The following SCYL3 variants were observed in gnomAD, a reference collection of about 807,000 sequenced individuals.
SCYL3 encodes the protein protein-associating with the carboxyl-terminal domain of ezrin.
In SCYL3, 35 loss-of-function variants were observed where a neutral mutation model predicts 73.8. That is an observed-to-expected ratio of 0.47 (90% CI 0.36 to 0.63). The LOEUF is 0.63. SCYL3 is among the 20% of genes least tolerant of loss of function. The pLI, the probability that SCYL3 is intolerant of heterozygous loss-of-function variation, is 0.00. For missense variants in SCYL3, 712 were observed against 798.9 expected (o/e 0.89, Z 1.31); for synonymous variants, 277 against 295.2 (o/e 0.94, Z 0.63).
At chr1:169,868,028 A>T (rs1300091708) in intron 7 of SCYL3, among the ~76,000 whole-genome samples, 1 of 152,236 alleles carries the variant, frequency 6.6e-6, no homozygotes, top group East Asian at 1.9e-4. Context: ...TGTATTTGTC[A>T]ATTAAAAATA....
intron 2 of SCYL3, among the ~76,000 whole-genome samples, chr1:169,880,807 G>A (rs1661187304): frequency 6.7e-6 from 1 of 150,090 alleles, no homozygotes; most frequent in Non-Finnish European, 1.5e-5. Context: ...TATCTCCTAG[G>A]TTGGAGTGCA....
chr1:169,854,077 C>A (rs938704751), intron 12 of SCYL3, 193 bp downstream of exon 12: 9 of 582,838 alleles, frequency 1.5e-5, no homozygotes, highest in African/African-American at 1.3e-4. Flanking sequence ...GCTCATTAAA[C>A]AAACTAAGCA....
At chr1:169,877,419 A>G (rs1429264390) in intron 3 of SCYL3, among the ~76,000 whole-genome samples, 3 of 152,210 alleles carry the variant, frequency 2.0e-5, no homozygotes, top group Non-Finnish European at 4.4e-5. Context: ...TGGCCTCCCA[A>G]AGTGCTGGGA....
chr1:169,851,077 A>G lies in SCYL3; in HGVS notation c.*2636T>C, dbSNP rs1483231931. ...TTTTTTTTTTTTTTTTTTTTTTGGC[A>G]TGGCTTTTTTATTCTCTTTGCAGCC... On this transcript the variant is annotated 3_prime_UTR_variant, in exon 13 of 13. Transcript: ENST00000367771. 15 of 36,500 alleles carry G rather than the reference A, an allele frequency of 4.1e-4. 1 individual carries two copies. Among genetic ancestry groups the G allele is most frequent in the African/African-American group, 2.1e-3 (14 of 6,794 alleles). 2.3% of individuals were successfully genotyped at this position (36,500 alleles called of 1,614,324 possible). A position where few individuals can be genotyped will look rare whatever the true frequency, so the allele number is the denominator to read the frequency against.
Position 169,875,989 on chromosome 1 carries a change from C to G in SCYL3, c.454G>C (p.Ala152Pro), listed in dbSNP as rs1660772466. Reference sequence around the variant, plus strand: ...GTCCCCTGGCTTACCTCTGGTGTGGCCTGAGAAACTTTACAAACAGTTTCC... The same window carrying G: ...GTCCCCTGGCTTACCTCTGGTGTGGGCTGAGAAACTTTACAAACAGTTTCC... ...GMETVCKVSQ[A>P]TPEFLRSIQS... Residue 152 changes from alanine (A) to proline (P), a missense_variant, in exon 4 of 13, where the codon GCC (alanine) becomes CCC (proline). By Grantham distance (27) the Ala-to-Pro change is conservative. Around this residue, in one of 2 missense-constraint regions of SCYL3, gnomAD observed 342 missense variants for 448.1 expected, o/e 0.76. Coordinates refer to ENST00000367771, the MANE Select transcript of SCYL3 (RefSeq NM_020423.7). 6.2e-7 allele frequency: 1 copy of G among 1,608,370 alleles called. No individual in the cohort carries two copies. The highest frequency in any genetic ancestry group is 8.5e-7 in the Non-Finnish European group (1 of 1,177,296).
chr1:169,856,512 A>C (rs1032042999), intron 11 of SCYL3, among the ~76,000 whole-genome samples: 3 of 152,184 alleles, frequency 2.0e-5, no homozygotes, highest in African/African-American at 4.8e-5. Context: ...TTTGGCCAAA[A>C]AGTGAGGATG....
In SCYL3 at chr1:169,854,939, T is replaced by TTTAA. The variant is rs1294064643; in HGVS notation, c.1334_1337dup (p.Lys446AsnfsTer2). The TTTAA allele has an allele frequency of 3.1e-6, 5 of 1,608,436 alleles. No homozygotes were observed. Among genetic ancestry groups the TTTAA allele is most frequent in the Admixed American group, 3.4e-5 (2 of 58,870 alleles). On this transcript the variant is annotated stop_gained and frameshift_variant, in exon 12 of 13. Coordinates refer to ENST00000367771, the MANE Select transcript of SCYL3 (RefSeq NM_020423.7). LOFTEE classifies it high-confidence loss of function. ...CATCTGAGAGTCCATTTATGGGAAA[T>TTTAA]TTAATAGGCTGAGAAAATGGATCGC...
Position 169,873,842 on chromosome 1 carries a change from G to A in SCYL3, c.466-90C>T. 3.6e-6 allele frequency: 3 copies of A among 842,400 alleles called. No homozygotes were observed. The East Asian group carries it at 7.5e-5, about 21-fold the overall frequency. The allele number at this position is 842,400 out of a possible 1,614,324, so 52.2% of individuals were successfully genotyped here. On this transcript the variant is annotated intron_variant, in intron 4 of 12. Coordinates refer to ENST00000367771, the MANE Select transcript of SCYL3 (RefSeq NM_020423.7). ...TCAGGTTACATAAGCAATGAGCAATGCAAACAGCACCAATTAAACCTTCAA... is the reference window on the plus strand; with the variant it reads ...TCAGGTTACATAAGCAATGAGCAATACAAACAGCACCAATTAAACCTTCAA...
chr1:169,850,344 A>C lies in SCYL3; in HGVS notation c.*3369T>G. On this transcript the variant is annotated 3_prime_UTR_variant, in exon 13 of 13. Coordinates refer to ENST00000367771, the MANE Select transcript of SCYL3 (RefSeq NM_020423.7). ...AACAAAGTTGTATCCTTTCTGGAGA[A>C]GGTACTTTCTTTACATGGCTCATGT... is the stretch of plus-strand genomic sequence containing the variant. 6.3e-7 allele frequency: 1 copy of C among 1,599,244 alleles called. No homozygotes were observed. Among genetic ancestry groups the C allele is most frequent in the Non-Finnish European group, 8.6e-7 (1 of 1,167,498 alleles).
At chr1:169,867,624 A>G (rs12134837) in intron 7 of SCYL3, among the ~76,000 whole-genome samples, 9,930 of 152,312 alleles carry the variant, frequency 0.065, 430 homozygotes, top group Non-Finnish European at 0.099. Flanking sequence ...GGATCTTCAC[A>G]TCTTATGTTT....
rs140761005 is a variant in SCYL3 at position 169,885,016 on chromosome 1, A to G, written c.165+3660T>C. ...CTAAGGGTAACTAGGATATTTTTCA[A>G]TGAACATCAGTTGAGCAAATAAATG... On this transcript the variant is annotated intron_variant, in intron 2 of 12. Coordinates refer to ENST00000367771, the MANE Select transcript of SCYL3 (RefSeq NM_020423.7). 5.7e-3 allele frequency among the ~76,000 whole-genome samples: 875 copies of G among 152,352 alleles called. 24 individuals are homozygous for G. Among genetic ancestry groups the G allele is most frequent in the Admixed American group, 0.014 (218 of 15,308 alleles).
rs567909589 is a variant in SCYL3 at position 169,855,734 on chromosome 1, A to C, written c.1313-770T>G. On this transcript the variant is annotated intron_variant, in intron 11 of 12. Transcript: ENST00000367771. ...AAACTCCCAAAACACCCATAAGCTTATTAGTCTCAGGAAAACATTCATCCA... is the reference window on the plus strand; with the variant it reads ...AAACTCCCAAAACACCCATAAGCTTCTTAGTCTCAGGAAAACATTCATCCA... The C allele has an allele frequency of 1.3e-5, 20 of 1,490,032 alleles. No homozygotes were observed. In the African/African-American group the frequency reaches 2.8e-4, roughly 21 times the overall value. 92.3% of individuals were successfully genotyped at this position (1,490,032 alleles called of 1,614,324 possible).
chr1:169,854,473 C>T lies in SCYL3; in HGVS notation c.1804G>A (p.Gly602Arg). 1 of 1,614,044 alleles carries T rather than the reference C, an allele frequency of 6.2e-7. No individual in the cohort carries two copies. The highest frequency in any genetic ancestry group is 8.5e-7 in the Non-Finnish European group (1 of 1,179,968). The change falls in exon 12 of 13, where the codon GGA becomes AGA. Residue 602 changes from glycine to arginine, a missense_variant. Transcript: ENST00000367771. ...TTTACTTGAATGGTGAATTCCTCTC[C>T]TAAACCAAGTTCTGATGGAACCTTA... is the stretch of plus-strand genomic sequence containing the variant. ...PLKVPSELGL[G>R]EEFTIQVKKK...
chr1:169,867,185 C>G (rs915677590), intron 7 of SCYL3, among the ~76,000 whole-genome samples: 1 of 152,168 alleles, frequency 6.6e-6, no homozygotes, highest in Non-Finnish European at 1.5e-5. Context: ...AGATCTGTGA[C>G]GAGGATACAA....
chr1:169,858,952 A>G, intron 11 of SCYL3, 89 bp downstream of exon 11: 1 of 1,098,308 alleles, frequency 9.1e-7, no homozygotes, highest in Non-Finnish European at 1.3e-6. Flanking sequence ...ATATCATTTG[A>G]CTGAATATGA....
intron 1 of SCYL3, among the ~76,000 whole-genome samples, chr1:169,891,738 G>C (rs921373284): frequency 6.6e-6 from 1 of 152,162 alleles, no homozygotes; most frequent in African/African-American, 2.4e-5. Flanking sequence ...CAGGATTCAG[G>C]GTCAGTGCTC....
chr1:169,868,887 G>T, intron 7 of SCYL3, 41 bp downstream of exon 7: 1 of 1,447,896 alleles, frequency 6.9e-7, no homozygotes, highest in Non-Finnish European at 9.7e-7. Flanking sequence ...AGGCAGCAGT[G>T]TTCCGGAAGC....
rs75545980 is a variant in SCYL3, at chr1:169,893,773, A to G, written c.-51+15T>C. ...CCTGCAAGGACTGGGGGCGCAGCGC[A>G]GGGCTCCCTGTTACCTGCAGGAAGG... On this transcript the variant is annotated intron_variant, in intron 1 of 12. Transcript: ENST00000367771. The G allele has an allele frequency of 0.021, 3,203 of 152,414 alleles. 96 individuals are homozygous for G. The highest frequency in any genetic ancestry group is 0.12 in the East Asian group (613 of 5,142). 9.4% of individuals were successfully genotyped at this position (152,414 alleles called of 1,614,324 possible). A position where few individuals can be genotyped will look rare whatever the true frequency, so the allele number is the denominator to read the frequency against.
chr1:169,874,558 G>A (rs1660657914), intron 4 of SCYL3, among the ~76,000 whole-genome samples: 1 of 152,152 alleles, frequency 6.6e-6, no homozygotes, highest in Admixed American at 6.5e-5. Flanking sequence ...GAAGAAGAGT[G>A]TGAAGGAAGA....
Sources: allele counts gnomAD v4.1 joint callset (sites outside exome capture counted in the v4.1 genomes callset), GRCh38; gene constraint gnomAD v4.1.1; regional missense constraint gnomAD v4.1.1; transcripts MANE v1.5; gene names NCBI Gene and HGNC (gene_info 2026-07-23, HGNC 2026-07-21).